The following SNTG1 variants were observed in gnomAD, a reference collection of about 807,000 sequenced individuals.
The protein encoded by SNTG1 is gamma-1-syntrophin.
Under a neutral mutation model 74.7 loss-of-function variants are expected in SNTG1, and 39 were observed. That is an observed-to-expected ratio of 0.52 (90% CI 0.40 to 0.68). SNTG1 has a LOEUF of 0.68. Among genes scored for constraint, SNTG1 ranks in the 30% least tolerant of loss-of-function variants. The pLI, the probability that SNTG1 is intolerant of heterozygous loss-of-function variation, is 0.00. For missense variants in SNTG1, 685 were observed against 609.5 expected (o/e 1.12, Z -1.30); for synonymous variants, 254 against 217.1 (o/e 1.17, Z -1.49).
intron 1 of SNTG1, among the ~76,000 whole-genome samples, chr8:50,131,402 C>T (rs978987659): frequency 6.6e-6 from 1 of 152,150 alleles, no homozygotes; most frequent in East Asian, 1.9e-4. Context: ...GCATTCCACA[C>T]ATATGTGAAA....
intron 1 of SNTG1, among the ~76,000 whole-genome samples, chr8:50,165,433 T>A (rs1190899636): frequency 6.6e-6 from 1 of 152,210 alleles, no homozygotes; most frequent in Non-Finnish European, 1.5e-5. Flanking sequence ...TATCCAAAAA[T>A]TATTTTGTGT....
chr8:50,685,003 T>G (rs369070004), intron 15 of SNTG1, among the ~76,000 whole-genome samples: 2 of 150,522 alleles, frequency 1.3e-5, no homozygotes, highest in East Asian at 3.9e-4. Flanking sequence ...CACCTTTTTC[T>G]TACTTAAAAA....
chr8:50,465,518 T>C (rs2093602110), intron 8 of SNTG1, among the ~76,000 whole-genome samples: 1 of 152,188 alleles, frequency 6.6e-6, no homozygotes. Flanking sequence ...TTTTGACACC[T>C]GCACAGTATC....
intron 4 of SNTG1, among the ~76,000 whole-genome samples, chr8:50,423,038 A>G (rs1373216768): frequency 1.3e-5 from 2 of 152,224 alleles, no homozygotes; most frequent in Non-Finnish European, 2.9e-5. Context: ...TTAGCTGTCA[A>G]ACTTTTCTCA....
rs544933307 is a variant in SNTG1, at chr8:50,129,570, A to G, written c.-102-42991A>G. ...ATTTTACCTACAGAGTTGCCCTCAC[A>G]GGATCTGTGGGTTTGGATTCATACC... On this transcript the variant is annotated intron_variant, in intron 1 of 18. Coordinates refer to ENST00000642720, the MANE Select transcript of SNTG1 (RefSeq NM_018967.5). Among the ~76,000 whole-genome samples the G allele has an allele frequency of 2.6e-3, 392 of 152,208 alleles. 2 individuals carry two copies. Among genetic ancestry groups the G allele is most frequent in the South Asian group, 0.012 (58 of 4,822 alleles).
intron 18 of SNTG1, among the ~76,000 whole-genome samples, chr8:50,764,989 A>T (rs28820019): frequency 0.11 from 17,140 of 151,872 alleles, 2,859 homozygotes; most frequent in African/African-American, 0.37. Flanking sequence ...AATCTGGGGG[A>T]CATTATGCTA....
At chr8:50,678,933 C>A (rs983983471) in intron 15 of SNTG1, among the ~76,000 whole-genome samples, 2 of 152,036 alleles carry the variant, frequency 1.3e-5, no homozygotes, top group Non-Finnish European at 2.9e-5. Flanking sequence ...TAAACACATA[C>A]ATACACAACT....
At chr8:50,414,330 A>G (rs2092988277) in intron 4 of SNTG1, among the ~76,000 whole-genome samples, 1 of 152,172 alleles carries the variant, frequency 6.6e-6, no homozygotes, top group South Asian at 2.1e-4. Flanking sequence ...GCCAATTCAC[A>G]AAATCTCAGA....
intron 4 of SNTG1, among the ~76,000 whole-genome samples, chr8:50,422,553 A>G (rs2093105485): frequency 6.6e-6 from 1 of 152,098 alleles, no homozygotes; most frequent in Non-Finnish European, 1.5e-5. Flanking sequence ...TGCAGGAGAC[A>G]GAATTATTGC....
intron 8 of SNTG1, among the ~76,000 whole-genome samples, chr8:50,460,351 A>T (rs992303324): frequency 6.6e-6 from 1 of 151,722 alleles, no homozygotes; most frequent in African/African-American, 2.4e-5. Flanking sequence ...TGCTTGTTCT[A>T]TTGTTCCAGT....
chr8:50,426,301 T>G (rs1050309776), intron 4 of SNTG1, among the ~76,000 whole-genome samples: 1 of 152,184 alleles, frequency 6.6e-6, no homozygotes, highest in African/African-American at 2.4e-5. Flanking sequence ...AATAATGATA[T>G]TTGGTCAATG....
intron 4 of SNTG1, among the ~76,000 whole-genome samples, chr8:50,428,972 T>A (rs947160769): frequency 6.6e-6 from 1 of 152,048 alleles, no homozygotes; most frequent in East Asian, 1.9e-4. Context: ...CTAAAAATCA[T>A]GAGTAAAAGA....
intron 2 of SNTG1, among the ~76,000 whole-genome samples, chr8:50,291,242 A>ATGTG (rs35700232): frequency 0.013 from 1,962 of 149,270 alleles, 27 homozygotes; most frequent in South Asian, 0.041. Flanking sequence ...AGACAGACAT[A>ATGTG]TGTGTGTGTG....
intron 12 of SNTG1, among the ~76,000 whole-genome samples, chr8:50,559,973 C>A (rs1181857420): frequency 1.3e-5 from 2 of 152,100 alleles, no homozygotes; most frequent in South Asian, 2.1e-4. Context: ...GCCATCTATC[C>A]ATCTGACAAA....
intron 17 of SNTG1, among the ~76,000 whole-genome samples, chr8:50,710,662 C>G (rs1445645574): frequency 6.6e-6 from 1 of 152,172 alleles, no homozygotes; most frequent in African/African-American, 2.4e-5. Context: ...AGACCTATGT[C>G]AGTGTCCTGT....
At chr8:50,483,785 A>G (rs970029500) in intron 8 of SNTG1, among the ~76,000 whole-genome samples, 7 of 152,184 alleles carry the variant, frequency 4.6e-5, no homozygotes, top group African/African-American at 1.7e-4. Flanking sequence ...TGTGGGTGTG[A>G]TAGGGGTTAG....
At chr8:50,069,289 G>T (rs1021598105) in intron 1 of SNTG1, among the ~76,000 whole-genome samples, 1 of 152,110 alleles carries the variant, frequency 6.6e-6, no homozygotes, top group African/African-American at 2.4e-5. Context: ...CATGTTGGTG[G>T]CCAGTTTAGG....
At chr8:50,339,752 C>A (rs1189381245) in intron 2 of SNTG1, among the ~76,000 whole-genome samples, 1 of 151,790 alleles carries the variant, frequency 6.6e-6, no homozygotes, top group African/African-American at 2.4e-5. Flanking sequence ...ATAAAAAGGG[C>A]AACAAACGAA....
chr8:50,292,375 A>G (rs1042431484), intron 2 of SNTG1, among the ~76,000 whole-genome samples: 1 of 152,192 alleles, frequency 6.6e-6, no homozygotes, highest in African/African-American at 2.4e-5. Context: ...GCAATATGTT[A>G]GAAAATGGAT....
Sources: gnomAD v4.1 joint callset for allele counts (sites outside exome capture counted in the v4.1 genomes callset) on GRCh38, gnomAD v4.1.1 for gene constraint, MANE v1.5 for transcripts, NCBI Gene and HGNC (gene_info 2026-07-23, HGNC 2026-07-21) for gene names.